Variants in GBF1 observed in about 807,000 individuals in gnomAD.
The protein encoded by GBF1 is golgi brefeldin A resistant guanine nucleotide exchange factor 1, also known as Golgi-specific brefeldin A-resistance guanine nucleotide exchange factor 1.
Under a neutral mutation model 210.5 loss-of-function variants are expected in GBF1, and 114 were observed. The ratio of observed to expected loss-of-function variants is 0.54; its 90% CI spans 0.47 to 0.63. The LOEUF (loss-of-function observed/expected upper bound fraction) is 0.63. Ranked by LOEUF, GBF1 falls within the 30% of genes least tolerant of loss-of-function variation. The pLI is 0.00. For missense variants in GBF1, 1,851 were observed against 2,357.7 expected (o/e 0.79, Z 4.45); for synonymous variants, 850 against 889.2 (o/e 0.96, Z 0.78).
At chr10:102,253,094 C>A (rs1243806322) in intron 1 of GBF1, among the ~76,000 whole-genome samples, 1 of 152,062 alleles carries the variant, frequency 6.6e-6, no homozygotes, top group African/African-American at 2.4e-5. Flanking sequence ...GGGGTTTCAC[C>A]ATGCTGGCCA....
At chr10:102,370,076 T>G in intron 26 of GBF1, 92 bp downstream of exon 26, 1 of 1,557,068 alleles carries the variant, frequency 6.4e-7, no homozygotes, top group Non-Finnish European at 8.9e-7. Context: ...CCAGGATTTG[T>G]AACCAGGGCT....
intron 3 of GBF1, among the ~76,000 whole-genome samples, chr10:102,285,302 A>G (rs1565059180): frequency 6.6e-6 from 1 of 152,208 alleles, no homozygotes; most frequent in Admixed American, 6.5e-5. Context: ...TGCTGACTAT[A>G]CAGGTAGCTC....
chr10:102,236,396 C>T, the GBF1 span, among the ~76,000 whole-genome samples: 10 of 152,300 alleles, frequency 6.6e-5, no homozygotes, highest in South Asian at 1.0e-3. Context: ...AGGGGGCTGC[C>T]GGCCCCACCC....
rs2060508332 is a variant in GBF1 at position 102,376,584 on chromosome 10, T to TC, written c.4074dup (p.Lys1359GlnfsTer30). 1 of 1,613,836 alleles carries TC rather than the reference T, an allele frequency of 6.2e-7. No homozygotes were observed. Among genetic ancestry groups the TC allele is most frequent in the African/African-American group, 1.3e-5 (1 of 74,878 alleles). ...GGTTGGGAAGGATGACGTTGATAAC[T>TC]CCAAGCCAGGGCCCAGCCGCCCAGG... On this transcript the variant is annotated frameshift_variant, in exon 32 of 40. Transcript: ENST00000369983. LOFTEE classifies it high-confidence loss of function.
At chr10:102,361,953 A>G (rs2059627060) in intron 14 of GBF1, 41 bp downstream of exon 14, 3 of 1,257,944 alleles carry the variant, frequency 2.4e-6, no homozygotes, top group African/African-American at 1.5e-5. Flanking sequence ...AAAACGCATT[A>G]TAAAGGAAAT....
chr10:102,306,776 A>T (rs1407151895), intron 3 of GBF1, among the ~76,000 whole-genome samples: 1 of 152,134 alleles, frequency 6.6e-6, no homozygotes. Context: ...GGCCATTATT[A>T]TTAGCTTATA....
chr10:102,308,054 A>G (rs1241227955), intron 3 of GBF1, among the ~76,000 whole-genome samples: 1 of 152,206 alleles, frequency 6.6e-6, no homozygotes. Context: ...CCTAAGGGTA[A>G]ATAGGGTAAA....
rs777852340 is a variant in GBF1 at position 102,358,229 on chromosome 10, G to A, written c.787+43G>A. On this transcript the variant is annotated intron_variant, in intron 9 of 39. Transcript: ENST00000369983. ...CTTCCTCTGATTAGACAAAAGAAGA[G>A]CTCCTTTCTCTCTTAGGGATTTTGA... 5 of 1,551,940 alleles carry A rather than the reference G, an allele frequency of 3.2e-6. No homozygotes were observed. In the African/African-American group the frequency reaches 6.9e-5, roughly 21 times the overall value.
intron 1 of GBF1, among the ~76,000 whole-genome samples, chr10:102,248,783 C>T (rs533212340): frequency 1.3e-5 from 2 of 152,194 alleles, no homozygotes; most frequent in South Asian, 2.1e-4. Flanking sequence ...CACAGATGTG[C>T]GCCATCATGC....
At chr10:102,317,506 T>C (rs2055921429) in intron 3 of GBF1, among the ~76,000 whole-genome samples, 2 of 152,208 alleles carry the variant, frequency 1.3e-5, no homozygotes, top group African/African-American at 2.4e-5. Context: ...TAATCCTAGC[T>C]ACTTGAGAAG....
chr10:102,272,316 G>A (rs2074520468), intron 3 of GBF1, among the ~76,000 whole-genome samples: 1 of 152,094 alleles, frequency 6.6e-6, no homozygotes, highest in Non-Finnish European at 1.5e-5. Flanking sequence ...TGTTGGCCAG[G>A]CTGGTTTCGA....
intron 4 of GBF1, among the ~76,000 whole-genome samples, chr10:102,350,166 A>G (rs2058848901): frequency 6.6e-6 from 1 of 152,104 alleles, no homozygotes; most frequent in South Asian, 2.1e-4. Flanking sequence ...CCTGACCAAC[A>G]TGGAGAAACC....
rs750736470 is a variant in GBF1, at chr10:102,359,413, T to C, written c.1158T>C (p.Phe386=). 1 of 1,613,768 alleles carries C rather than the reference T, an allele frequency of 6.2e-7. No individual in the cohort carries two copies. The highest frequency in any genetic ancestry group is 1.7e-5 in the Admixed American group (1 of 60,022). ...MDYVNPRGVR[F]TQSSQKEGTA... is the part of the protein sequence containing the mutation. ...ACGTCAATCCCCGGGGCGTGCGCTT[T>C]ACACAGTCCTCCCAGAAAGAAGGTG... The change falls in exon 11 of 40, where the codon TTT becomes TTC. Residue 386 remains phenylalanine (F), a synonymous_variant. Transcript: ENST00000369983.
the GBF1 span, chr10:102,231,851 G>C: frequency 2.5e-6 from 4 of 1,581,086 alleles, no homozygotes; most frequent in South Asian, 1.1e-5. Context: ...TCTCCGGCTC[G>C]GGGACCTCCT....
At chr10:102,286,642 A>AT (rs977440707) in intron 3 of GBF1, among the ~76,000 whole-genome samples, 51 of 152,134 alleles carry the variant, frequency 3.4e-4, no homozygotes, top group Admixed American at 1.4e-3. Context: ...TAAAGGTCAG[A>AT]TTTTTTTTGA....
In GBF1 at chr10:102,366,507, G is replaced by A. The variant is rs773184569; in HGVS notation, c.2433+1G>A. ...GGAGGCATTCACAGAGCGTTGGATGGTGAGTTTGAGTGTCAGGGGCTGAGC... is the reference window on the plus strand; with the variant it reads ...GGAGGCATTCACAGAGCGTTGGATGATGAGTTTGAGTGTCAGGGGCTGAGC... On this transcript the variant is annotated splice_donor_variant, in intron 19 of 39. Transcript: ENST00000369983. LOFTEE classifies it high-confidence loss of function. This position sits in a 1 kb window ranked among gnomAD's most constrained non-coding sequence, Gnocchi z 4.0. The A allele has an allele frequency of 6.2e-7, 1 of 1,613,566 alleles. No individual in the cohort carries two copies. Among genetic ancestry groups the A allele is most frequent in the Non-Finnish European group, 8.5e-7 (1 of 1,179,662 alleles).
At chr10:102,244,883 C>A (rs1290594967), upstream of GBF1, among the ~76,000 whole-genome samples, 1 of 152,204 alleles carries the variant, frequency 6.6e-6, no homozygotes, top group Non-Finnish European at 1.5e-5. Context: ...TCCAGGGCTT[C>A]TGCTACGTCC....
Position 102,376,680 on chromosome 10 carries a change from C to T in GBF1, c.4168C>T (p.Leu1390=), listed in dbSNP as rs1178261078. ...TTTGGGGCCACACGACACTAAGTCT[C>T]TGCTTAAGTGTGTGGAATCGCTGTC... The part of the protein sequence containing the change: ...LDLGPHDTKS[L]LKCVESLSFI... The change falls in exon 32 of 40, where the codon CTG becomes TTG. Residue 1390 remains leucine, a synonymous_variant. Coordinates refer to ENST00000369983, the MANE Select transcript of GBF1 (RefSeq NM_001377137.1). 3 of 1,613,962 alleles carry T rather than the reference C, an allele frequency of 1.9e-6. No homozygotes were observed. Among genetic ancestry groups the T allele is most frequent in the Middle Eastern group, 3.3e-4 (2 of 6,062 alleles).
At chr10:102,244,529 C>G (rs2133827855), upstream of GBF1, among the ~76,000 whole-genome samples, 1 of 152,330 alleles carries the variant, frequency 6.6e-6, no homozygotes, top group East Asian at 1.9e-4. Flanking sequence ...GGGGGCAAGA[C>G]AGTGAAAACA....
Sources: allele counts gnomAD v4.1 joint callset (sites outside exome capture counted in the v4.1 genomes callset), GRCh38; gene constraint gnomAD v4.1.1; non-coding constraint Gnocchi (gnomAD v3.1); transcripts MANE v1.5; gene names NCBI Gene and HGNC (gene_info 2026-07-23, HGNC 2026-07-21).